The following KIAA0825 variants were observed in gnomAD, a reference collection of about 807,000 sequenced individuals.
KIAA0825 encodes the protein KIAA0825, also known as uncharacterized protein KIAA0825.
KIAA0825 carries 119 observed loss-of-function variants against 147.6 expected under a neutral mutation model. The observed-to-expected ratio is 0.81, with a 90% CI of 0.69 to 0.94. The LOEUF is 0.94. Ranked by LOEUF, KIAA0825 falls within the 40% of genes least tolerant of loss-of-function variation. The pLI is 0.00. For missense variants in KIAA0825, 1,381 were observed against 1,472.7 expected, an observed-to-expected ratio of 0.94 and a Z score of 1.02; for synonymous variants, 470 against 518.1, an observed-to-expected ratio of 0.91 and a Z score of 1.26.
chr5:94,533,559 GCCA>G (rs1771357249), intron 3 of KIAA0825, among the ~76,000 whole-genome samples: 1 of 152,178 alleles, frequency 6.6e-6, no homozygotes, highest in East Asian at 1.9e-4. Flanking sequence ...ACAGGCATGA[GCCA>G]CCACATCCAG....
At chr5:94,533,239 A>G (rs976840047) in intron 3 of KIAA0825, among the ~76,000 whole-genome samples, 6 of 149,958 alleles carry the variant, frequency 4.0e-5, no homozygotes, top group Non-Finnish European at 7.4e-5. Flanking sequence ...CGGCCTCCCA[A>G]AGTGCTGGGA....
intron 2 of KIAA0825, among the ~76,000 whole-genome samples, chr5:94,580,484 G>A (rs1330285980): frequency 6.6e-6 from 1 of 151,890 alleles, no homozygotes; most frequent in Non-Finnish European, 1.5e-5. Context: ...GAGGGATCTG[G>A]GTGAGTGGAT....
intron 20 of KIAA0825, among the ~76,000 whole-genome samples, chr5:94,159,225 C>A (rs1196301648): frequency 6.6e-6 from 1 of 152,068 alleles, no homozygotes; most frequent in African/African-American, 2.4e-5. Flanking sequence ...CAGATTCCTC[C>A]CAGTAGACAT....
intron 20 of KIAA0825, among the ~76,000 whole-genome samples, chr5:94,220,860 C>G (rs1773613233): frequency 6.6e-6 from 1 of 152,072 alleles, no homozygotes; most frequent in African/African-American, 2.4e-5. Context: ...AGGTCTTAGA[C>G]CTATTTTATT....
intron 20 of KIAA0825, among the ~76,000 whole-genome samples, chr5:94,317,877 A>G (rs191895790): frequency 1.6e-4 from 24 of 152,030 alleles, no homozygotes; most frequent in Admixed American, 9.2e-4. Flanking sequence ...ATTTATATGA[A>G]TCAAGTGTGG....
At chr5:94,206,053 G>A (rs533169108) in intron 20 of KIAA0825, among the ~76,000 whole-genome samples, 15 of 151,966 alleles carry the variant, frequency 9.9e-5, no homozygotes, top group African/African-American at 2.9e-4. Context: ...TCTCTCTGCC[G>A]CATCTATCAT....
intron 12 of KIAA0825, among the ~76,000 whole-genome samples, chr5:94,455,402 T>G (rs1758973372): frequency 6.6e-6 from 1 of 152,174 alleles, no homozygotes; most frequent in Admixed American, 6.6e-5. Context: ...TGGAGGACCC[T>G]GCCCATGTTG....
intron 20 of KIAA0825, among the ~76,000 whole-genome samples, chr5:94,198,142 T>C (rs563087259): frequency 2.8e-4 from 43 of 152,206 alleles, no homozygotes; most frequent in Non-Finnish European, 5.9e-4. Flanking sequence ...CTAATTTCTT[T>C]CAGCAGTGTT....
At chr5:94,508,103 T>C (rs1251192253) in intron 5 of KIAA0825, among the ~76,000 whole-genome samples, 5 of 152,034 alleles carry the variant, frequency 3.3e-5, no homozygotes, top group Non-Finnish European at 7.4e-5. Flanking sequence ...CACAGATCAA[T>C]CCTTTTTTAT....
intron 20 of KIAA0825, among the ~76,000 whole-genome samples, chr5:94,309,508 C>T (rs1778971632): frequency 6.6e-6 from 1 of 151,630 alleles, no homozygotes; most frequent in Admixed American, 6.6e-5. Flanking sequence ...ATGTTAAATC[C>T]AAAATGAGTA....
intron 2 of KIAA0825, among the ~76,000 whole-genome samples, chr5:94,539,575 C>T (rs1260614784): frequency 1.3e-5 from 2 of 152,074 alleles, no homozygotes; most frequent in African/African-American, 2.4e-5. Flanking sequence ...TGAAGAAACC[C>T]CCCAATCCAA....
At chr5:94,320,435 A>T (rs184778337) in intron 20 of KIAA0825, among the ~76,000 whole-genome samples, 26 of 150,644 alleles carry the variant, frequency 1.7e-4, no homozygotes, top group Non-Finnish European at 1.3e-4. Context: ...TTAAATACTA[A>T]GTGTATGTTT....
intron 17 of KIAA0825, among the ~76,000 whole-genome samples, chr5:94,392,077 T>G (rs914978853): frequency 7.2e-5 from 11 of 152,254 alleles, no homozygotes; most frequent in African/African-American, 2.7e-4. Context: ...AAAGTATCTT[T>G]GATGCCTGAA....
intron 2 of KIAA0825, among the ~76,000 whole-genome samples, chr5:94,578,300 C>A (rs1406555436): frequency 6.6e-6 from 1 of 152,142 alleles, no homozygotes; most frequent in Non-Finnish European, 1.5e-5. Context: ...TACAACAATT[C>A]CGTAGACTGT....
At chr5:94,416,109 G>A (rs1005632467) in intron 15 of KIAA0825, 4 of 152,038 alleles carry the variant, frequency 2.6e-5, no homozygotes, top group Admixed American at 2.0e-4. Flanking sequence ...CCTTCCTTTG[G>A]GAAGCAAGAA....
intron 20 of KIAA0825, among the ~76,000 whole-genome samples, chr5:94,343,606 G>A (rs190544083): frequency 8.5e-5 from 13 of 152,176 alleles, no homozygotes; most frequent in South Asian, 2.1e-4. Context: ...GGAGAATGGC[G>A]TGAACCCGGG....
rs571722011 is a variant in KIAA0825 at position 94,368,713 on chromosome 5, G to A, written c.3710+15655C>T. Among the ~76,000 whole-genome samples, 26 of 152,328 alleles carry A rather than the reference G, an allele frequency of 1.7e-4. No individual in the cohort carries two copies. The South Asian group carries it at 3.3e-3, about 19-fold the overall frequency. ...TTCTCTAACAGAATTTAGATGATGG[G>A]AAATAGAAACTTGGCAAAGTACTTC... is the stretch of plus-strand genomic sequence containing the variant. On this transcript the variant is annotated intron_variant, in intron 20 of 20. Coordinates refer to ENST00000682413, the MANE Select transcript of KIAA0825 (RefSeq NM_001145678.3).
intron 14 of KIAA0825, among the ~76,000 whole-genome samples, chr5:94,438,878 C>T (rs376804067): frequency 6.6e-5 from 10 of 152,256 alleles, no homozygotes; most frequent in African/African-American, 2.4e-4. Flanking sequence ...AAATATAAGG[C>T]AGTGCATGCT....
chr5:94,247,683 C>T (rs1287686409), intron 20 of KIAA0825, among the ~76,000 whole-genome samples: 1 of 152,006 alleles, frequency 6.6e-6, no homozygotes, highest in Non-Finnish European at 1.5e-5. Context: ...TTCATTCACT[C>T]GAAGAATATT....
Sources: gnomAD v4.1 joint callset for allele counts (sites outside exome capture counted in the v4.1 genomes callset) on GRCh38, gnomAD v4.1.1 for gene constraint, MANE v1.5 for transcripts, NCBI Gene and HGNC (gene_info 2026-07-23, HGNC 2026-07-21) for gene names.